The following MEAF6 variants were observed in gnomAD, a reference collection of about 807,000 sequenced individuals.
MEAF6 encodes MYST/Esa1 associated factor 6, also known as chromatin modification-related protein MEAF6.
Under a neutral mutation model 28.9 loss-of-function variants are expected in MEAF6, and 15 were observed. The observed-to-expected ratio is 0.52, with a 90% confidence interval of 0.35 to 0.80. MEAF6 has a LOEUF of 0.80. MEAF6 is among the 30% of genes least tolerant of loss of function. MEAF6 has a pLI of 0.01. For synonymous variants in MEAF6, 97 were observed against 88.7 expected, an observed-to-expected ratio of 1.09 and a Z score of -0.53; for missense variants, 178 against 237.5, an observed-to-expected ratio of 0.75 and a Z score of 1.65.
At chr1:37,511,409 G>A (rs1642666353) in intron 2 of MEAF6, among the ~76,000 whole-genome samples, 1 of 152,226 alleles carries the variant, frequency 6.6e-6, no homozygotes, top group African/African-American at 2.4e-5. Context: ...ACAACTTCCA[G>A]TGTACTAACG....
At chr1:37,495,697 C>CAAAAAAAAAAAAAA (rs1373520573) in intron 6 of MEAF6, among the ~76,000 whole-genome samples, 188 bp downstream of exon 6, 2 of 92,676 alleles carry the variant, frequency 2.2e-5, no homozygotes, top group Non-Finnish European at 4.4e-5. Flanking sequence ...AAAAAAAAAA[C>CAAAAAAAAAAAAAA]AAAAAACAAA....
At chr1:37,512,386 G>A (rs1433962324) in intron 2 of MEAF6, among the ~76,000 whole-genome samples, 2 of 152,124 alleles carry the variant, frequency 1.3e-5, no homozygotes, top group Non-Finnish European at 2.9e-5. Flanking sequence ...ATAGATGTGT[G>A]CTTATATTAA....
At position 37,490,736 on chromosome 1, in the gene MEAF6, G is replaced by A. The variant is rs1287042392; in HGVS notation, c.*3363C>T. ...TTGATGTGAATTTTTAAGCAATAAT[G>A]CCTCATTAGGCCGGGTGCAGTGGCT... On this transcript the variant is annotated 3_prime_UTR_variant, in exon 7 of 7. Transcript: ENST00000296214. 1.3e-5 allele frequency among the ~76,000 whole-genome samples: 2 copies of A among 152,156 alleles called. No homozygotes were observed. Among genetic ancestry groups the A allele is most frequent in the Non-Finnish European group, 1.5e-5 (1 of 68,034 alleles).
chr1:37,514,707 C>A lies in MEAF6; in HGVS notation c.40G>T (p.Asp14Tyr). ...AGCTCCGCCAGCTCCCGCCGGGTGT[C>A]CGGGATCTGCGGCGGCGCCGCCTTG... is the stretch of plus-strand genomic sequence containing the variant. ...HNKAAPPQIP[D>Y]TRRELAELVK... The change falls in exon 1 of 7, where the codon GAC becomes TAC. Residue 14 changes from aspartate (D) to tyrosine (Y), a missense_variant. Asp to Tyr is a radical substitution (Grantham distance 160). Around this residue, in one of 2 missense-constraint regions of MEAF6, gnomAD observed 54 missense variants for 37.0 expected, o/e 1.46. Transcript: ENST00000296214. 6.5e-7 allele frequency: 1 copy of A among 1,541,522 alleles called. No homozygotes were observed. Among genetic ancestry groups the A allele is most frequent in the Non-Finnish European group, 8.7e-7 (1 of 1,148,762 alleles).
chr1:37,506,874 A>C (rs538408874), intron 4 of MEAF6, among the ~76,000 whole-genome samples: 3 of 152,204 alleles, frequency 2.0e-5, no homozygotes, highest in African/African-American at 7.2e-5. Context: ...TCTTTAATAC[A>C]TAAGTGTTTG....
rs1204656891 is a variant in MEAF6, at chr1:37,491,953, C to T, written c.*2146G>A. On this transcript the variant is annotated 3_prime_UTR_variant, in exon 7 of 7. Transcript: ENST00000296214. ...TTTTTGACAGAGTCTCGCTCTGTCG[C>T]CCAGGCTGCTGGAGTGCAGTGGCGC... Among the ~76,000 whole-genome samples, 5 of 148,740 alleles carry T rather than the reference C, an allele frequency of 3.4e-5. No homozygotes were observed. Among genetic ancestry groups the T allele is most frequent in the Admixed American group, 2.0e-4 (3 of 14,926 alleles).
At chr1:37,498,734 A>C (rs746373810) in intron 5 of MEAF6, among the ~76,000 whole-genome samples, 4 of 152,084 alleles carry the variant, frequency 2.6e-5, no homozygotes, top group Non-Finnish European at 5.9e-5. Flanking sequence ...CCTGGCCACT[A>C]TATGGTATTA....
At chr1:37,501,455 A>T (rs1642300998) in intron 5 of MEAF6, 1 of 179,040 alleles carries the variant, frequency 5.6e-6, no homozygotes, top group Non-Finnish European at 1.2e-5. Context: ...GCTTCCCAAT[A>T]AGTACCAGTG....
chr1:37,506,350 A>G (rs1418245857), intron 4 of MEAF6, among the ~76,000 whole-genome samples: 4 of 152,152 alleles, frequency 2.6e-5, no homozygotes, highest in African/African-American at 9.6e-5. Flanking sequence ...TAACAAAAAC[A>G]AATATATAAA....
intron 5 of MEAF6, among the ~76,000 whole-genome samples, chr1:37,499,442 G>T (rs1406144678): frequency 6.6e-6 from 1 of 152,190 alleles, no homozygotes; most frequent in African/African-American, 2.4e-5. Flanking sequence ...GTCAGCAGTA[G>T]TAAGGGACTT....
chr1:37,494,240 G>A lies in MEAF6; in HGVS notation c.568-133C>T, dbSNP rs1642036997. 37 of 779,472 alleles carry A rather than the reference G, an allele frequency of 4.7e-5. No individual in the cohort carries two copies. The South Asian group carries it at 6.3e-4, about 13-fold the overall frequency. The allele number at this position is 779,472 out of a possible 1,614,324, so 48.3% of individuals were successfully genotyped here. A position where few individuals can be genotyped will look rare whatever the true frequency, so the allele number is the denominator to read the frequency against. On this transcript the variant is annotated intron_variant, in intron 6 of 6. Transcript: ENST00000296214. The stretch of plus-strand genomic sequence containing the variant: ...AGCTAAAGATTATATTTCAGGCCAG[G>A]CACAGTGGCTCACACCTGTAATCCC...
intron 1 of MEAF6, 149 bp from the exon 2 acceptor site, chr1:37,513,687 G>A (rs1430476314): frequency 7.4e-6 from 5 of 671,254 alleles, no homozygotes; most frequent in South Asian, 1.7e-5. Context: ...CGGGGAGGAG[G>A]AGCCGTTTAG....
chr1:37,513,367 C>T (rs891852616), intron 2 of MEAF6, 56 bp downstream of exon 2: 13 of 1,430,456 alleles, frequency 9.1e-6, no homozygotes, highest in African/African-American at 2.8e-5. Context: ...GCATACAGTC[C>T]TAAAAACAAA....
intron 2 of MEAF6, among the ~76,000 whole-genome samples, chr1:37,510,712 CCTTATTTA>C (rs1478030810): frequency 6.6e-6 from 1 of 150,412 alleles, no homozygotes; most frequent in African/African-American, 2.4e-5. Flanking sequence ...ATCTATTTTA[CCTTATTTA>C]CTTATTTATA....
intron 5 of MEAF6, chr1:37,496,523 T>G: frequency 1.5e-6 from 2 of 1,307,334 alleles, no homozygotes; most frequent in East Asian, 2.9e-5. Flanking sequence ...TTAATTTTGC[T>G]TAAGTTATTA....
chr1:37,494,065 C>G lies in MEAF6; in HGVS notation c.*34G>C. The G allele has an allele frequency of 6.2e-7, 1 of 1,607,402 alleles. No homozygotes were observed. The highest frequency in any genetic ancestry group is 8.5e-7 in the Non-Finnish European group (1 of 1,178,392). On this transcript the variant is annotated 3_prime_UTR_variant, in exon 7 of 7. Transcript: ENST00000296214. ...GAGGTCAGAGAAGGGAAGCAGGGCTCTACAGCCTGGAAGCTTCTGCACTAA... is the reference window on the plus strand; with the variant it reads ...GAGGTCAGAGAAGGGAAGCAGGGCTGTACAGCCTGGAAGCTTCTGCACTAA...
chr1:37,493,720 G>T lies in MEAF6; in HGVS notation c.*379C>A. 2 of 1,386,090 alleles carry T rather than the reference G, an allele frequency of 1.4e-6. No homozygotes were observed. The highest frequency in any genetic ancestry group is 2.0e-6 in the Non-Finnish European group (2 of 998,966). 85.9% of individuals were successfully genotyped at this position (1,386,090 alleles called of 1,614,324 possible). On this transcript the variant is annotated 3_prime_UTR_variant, in exon 7 of 7. Transcript: ENST00000296214. ...AGCCTCCATCTGAAATGTGACTTGT[G>T]TTCTACTTTCAGCATAAAACAAAAC...
At chr1:37,510,972 G>A (rs1266500439) in intron 2 of MEAF6, among the ~76,000 whole-genome samples, 5 of 151,956 alleles carry the variant, frequency 3.3e-5, no homozygotes, top group East Asian at 3.9e-4. Context: ...CACTCGCCTC[G>A]GCCTCCCAAA....
intron 1 of MEAF6, chr1:37,514,025 C>A (rs1402377464): frequency 5.7e-6 from 1 of 176,864 alleles, no homozygotes; most frequent in Admixed American, 5.6e-5. Context: ...CTCCCGGGTG[C>A]CCAAGCCGAG....
Sources: allele counts gnomAD v4.1 joint callset (sites outside exome capture counted in the v4.1 genomes callset), GRCh38; gene constraint gnomAD v4.1.1; regional missense constraint gnomAD v4.1.1; transcripts MANE v1.5; gene names NCBI Gene and HGNC (gene_info 2026-07-23, HGNC 2026-07-21).